The following DTNB variants were observed in gnomAD, a reference collection of about 807,000 sequenced individuals.
DTNB encodes dystrobrevin beta.
In DTNB, 63 loss-of-function variants were observed where a neutral mutation model predicts 90.7. The ratio of observed to expected loss-of-function variants is 0.69; its 90% confidence interval spans 0.57 to 0.86. The LOEUF (loss-of-function observed/expected upper bound fraction) is 0.86, where lower values mean the gene tolerates loss of function less well. DTNB is among the 40% of genes least tolerant of loss of function. The pLI is 0.00. For missense variants in DTNB, 744 were observed against 807.1 expected, an observed-to-expected ratio of 0.92 and a Z score of 0.95; for synonymous variants, 277 against 286.7, an observed-to-expected ratio of 0.97 and a Z score of 0.34.
chr2:25,493,090 C>T (rs1230152433), intron 9 of DTNB, among the ~76,000 whole-genome samples: 3 of 152,178 alleles, frequency 2.0e-5, no homozygotes, highest in Admixed American at 6.5e-5. Context: ...TCCTGCAATT[C>T]TCTTTTACAT....
intron 4 of DTNB, among the ~76,000 whole-genome samples, chr2:25,609,708 A>ACACAC (rs2068079614): frequency 4.0e-5 from 6 of 149,064 alleles, no homozygotes; most frequent in Non-Finnish European, 6.0e-5. Context: ...ACACACACAC[A>ACACAC]AAATTAAAAA....
At chr2:25,519,367 C>CTT (rs1197635484) in intron 9 of DTNB, among the ~76,000 whole-genome samples, 42 of 126,480 alleles carry the variant, frequency 3.3e-4, no homozygotes, top group African/African-American at 9.8e-4. Context: ...CCTGTTTCTA[C>CTT]TTTTTTTTTT....
chr2:25,477,120 T>G (rs1159784368), intron 10 of DTNB, among the ~76,000 whole-genome samples: 2 of 152,258 alleles, frequency 1.3e-5, no homozygotes, highest in South Asian at 4.1e-4. Flanking sequence ...AAGTCTCAGA[T>G]GATCATTAGC....
At chr2:25,428,593 C>T (rs1476253017) in intron 14 of DTNB, among the ~76,000 whole-genome samples, 2 of 152,042 alleles carry the variant, frequency 1.3e-5, no homozygotes, top group Non-Finnish European at 2.9e-5. Flanking sequence ...CCACCATGCC[C>T]AGTTAATTTT....
At chr2:25,535,009 G>A (rs1575482516) in intron 8 of DTNB, among the ~76,000 whole-genome samples, 1 of 149,130 alleles carries the variant, frequency 6.7e-6, no homozygotes, top group Admixed American at 6.7e-5. Flanking sequence ...CGGCCGGGCA[G>A]AGGCGCTCCT....
At chr2:25,478,124 C>T (rs2064116750) in intron 10 of DTNB, among the ~76,000 whole-genome samples, 1 of 151,760 alleles carries the variant, frequency 6.6e-6, no homozygotes, top group Non-Finnish European at 1.5e-5. Context: ...CTTTCCTTTT[C>T]CCTAAGTCTC....
intron 8 of DTNB, among the ~76,000 whole-genome samples, chr2:25,547,709 A>C (rs2082734852): frequency 6.6e-6 from 1 of 152,174 alleles, no homozygotes; most frequent in African/African-American, 2.4e-5. Flanking sequence ...CCAATTTTGT[A>C]CTCTGGAATG....
chr2:25,574,204 A>G (rs1489059616), intron 8 of DTNB, among the ~76,000 whole-genome samples: 2 of 152,232 alleles, frequency 1.3e-5, no homozygotes, highest in South Asian at 2.1e-4. Flanking sequence ...TTTCACACTC[A>G]TTAAAACTTA....
chr2:25,635,260 G>C (rs1233557955), intron 3 of DTNB, among the ~76,000 whole-genome samples: 1 of 151,796 alleles, frequency 6.6e-6, no homozygotes, highest in East Asian at 1.9e-4. Context: ...TGGCGAAACT[G>C]TCTCTACTAA....
At chr2:25,665,932 G>C (rs931326062) in intron 1 of DTNB, among the ~76,000 whole-genome samples, 2 of 152,014 alleles carry the variant, frequency 1.3e-5, no homozygotes, top group Admixed American at 6.6e-5. Flanking sequence ...ATAACCTCAC[G>C]GGGCTGTGGT....
intron 6 of DTNB, among the ~76,000 whole-genome samples, chr2:25,588,187 A>T (rs147827459): frequency 8.2e-4 from 116 of 141,674 alleles, no homozygotes; most frequent in African/African-American, 2.8e-3. Context: ...AAGCCTCCTT[A>T]AAAAAAAAAA....
rs528398437 is a variant in DTNB, at chr2:25,599,347, T to A, written c.449-3107A>T. ...CATTACTGTTTGAACTAACTAGCAA[T>A]TTTTTTTTTTTTTAGACGGGGTCTC... On this transcript the variant is annotated intron_variant, in intron 5 of 20. Coordinates refer to ENST00000406818, the MANE Select transcript of DTNB (RefSeq NM_021907.5). Among the ~76,000 whole-genome samples the A allele has an allele frequency of 9.8e-5, 4 of 40,620 alleles. No individual in the cohort carries two copies. In the South Asian group the frequency reaches 3.9e-3, roughly 39 times the overall value. The allele number at this position is 40,620 out of a possible 152,430, so 26.6% of individuals were successfully genotyped here. A position where few individuals can be genotyped will look rare whatever the true frequency, so the allele number is the denominator to read the frequency against.
intron 2 of DTNB, among the ~76,000 whole-genome samples, chr2:25,650,918 G>A (rs1157724342): frequency 4.0e-5 from 6 of 151,664 alleles, no homozygotes; most frequent in East Asian, 1.9e-4. Context: ...CCGAGATGGC[G>A]CCACTGCACT....
At chr2:25,633,736 C>T (rs547501624) in intron 3 of DTNB, among the ~76,000 whole-genome samples, 1 of 151,978 alleles carries the variant, frequency 6.6e-6, no homozygotes, top group South Asian at 2.1e-4. Flanking sequence ...TCTTCCCGAC[C>T]GCCATCCCAT....
intron 8 of DTNB, among the ~76,000 whole-genome samples, chr2:25,555,926 A>G (rs1376754153): frequency 2.0e-5 from 3 of 152,226 alleles, no homozygotes; most frequent in Non-Finnish European, 4.4e-5. Flanking sequence ...AGGCTAAGGC[A>G]GGAGAATCAC....
intron 4 of DTNB, among the ~76,000 whole-genome samples, chr2:25,612,340 G>A (rs1270389074): frequency 6.6e-6 from 1 of 152,104 alleles, no homozygotes; most frequent in Non-Finnish European, 1.5e-5. Flanking sequence ...GTTTGCATAT[G>A]TATAAACTAT....
chr2:25,633,132 C>T (rs12617014), intron 3 of DTNB, among the ~76,000 whole-genome samples: 68,259 of 152,032 alleles, frequency 0.45, 16,501 homozygotes, highest in East Asian at 0.77. Flanking sequence ...TGTACATCAG[C>T]AACATAACAA....
intron 14 of DTNB, among the ~76,000 whole-genome samples, chr2:25,431,811 T>G (rs2053941846): frequency 1.3e-5 from 2 of 152,176 alleles, no homozygotes; most frequent in Admixed American, 1.3e-4. Context: ...TCCTCCCTAG[T>G]ACGACACCAG....
intron 3 of DTNB, among the ~76,000 whole-genome samples, chr2:25,634,251 CCGCCCGGCCAGCCGCCCCG>C (rs2076558685): frequency 8.7e-6 from 1 of 115,440 alleles, no homozygotes; most frequent in Non-Finnish European, 2.0e-5. Flanking sequence ...GGTCAGCCCC[CCGCCCGGCCAGCCGCCCCG>C]TCCGGGAGGG....
Sources: gnomAD v4.1 joint callset for allele counts (sites outside exome capture counted in the v4.1 genomes callset) on GRCh38, gnomAD v4.1.1 for gene constraint, MANE v1.5 for transcripts, NCBI Gene and HGNC (gene_info 2026-07-23, HGNC 2026-07-21) for gene names.